RNF4: variants seen among roughly 807,000 people sequenced by gnomAD.
RNF4 encodes ring finger protein 4, also known as E3 ubiquitin-protein ligase RNF4.
Under a neutral mutation model 24.3 loss-of-function variants are expected in RNF4, and 7 were observed. The ratio of observed to expected loss-of-function variants is 0.29; its 90% CI spans 0.16 to 0.54. RNF4 has a LOEUF of 0.54. RNF4 is among the 20% of genes least tolerant of loss of function. The pLI is 0.95. For missense variants in RNF4, 209 were observed against 248.5 expected (o/e 0.84, Z 1.07); for synonymous variants, 83 against 84.3 (o/e 0.98, Z 0.09).
At chr4:2,491,888 C>T (rs1383119805) in intron 2 of RNF4, among the ~76,000 whole-genome samples, 4 of 151,334 alleles carry the variant, frequency 2.6e-5, no homozygotes, top group East Asian at 1.9e-4. Context: ...CATGCACCAC[C>T]GCACCTGGCC....
At chr4:2,497,696 G>A (rs1228371812) in intron 3 of RNF4, among the ~76,000 whole-genome samples, 1 of 152,174 alleles carries the variant, frequency 6.6e-6, no homozygotes, top group African/African-American at 2.4e-5. Flanking sequence ...GTGTAGTGGT[G>A]CAGTCTCGGC....
intron 2 of RNF4, 192 bp downstream of exon 2, chr4:2,490,694 A>G: frequency 1.8e-6 from 1 of 569,490 alleles, no homozygotes; most frequent in Non-Finnish European, 3.1e-6. Flanking sequence ...TTCGAGTCAT[A>G]AAGGGCAGAG....
Position 2,513,650 on chromosome 4 carries a change from T to G in RNF4, c.424-20T>G, listed in dbSNP as rs1339131472. The G allele has an allele frequency of 6.2e-7, 1 of 1,612,294 alleles. No homozygotes were observed. The highest frequency in any genetic ancestry group is 1.1e-5 in the South Asian group (1 of 91,028). On this transcript the variant is annotated intron_variant, in intron 7 of 7. Coordinates refer to ENST00000314289, the MANE Select transcript of RNF4 (RefSeq NM_002938.5). The stretch of plus-strand genomic sequence containing the variant: ...GGGACAAGGGCAAACTCGGAGGCTC[T>G]TCTTTTTAATGCCTTCTAGATCGTG...
chr4:2,481,868 C>T (rs199916017), intron 1 of RNF4, among the ~76,000 whole-genome samples: 27 of 152,110 alleles, frequency 1.8e-4, no homozygotes, highest in African/African-American at 6.3e-4. Flanking sequence ...CCACTATGCC[C>T]GGCTAAGTTT....
chr4:2,504,833 A>G (rs755273213), intron 4 of RNF4, among the ~76,000 whole-genome samples: 9 of 149,590 alleles, frequency 6.0e-5, no homozygotes, highest in Non-Finnish European at 8.9e-5. Context: ...CCCGGGTTCA[A>G]GCAATTCTCC....
chr4:2,478,152 A>G (rs924813422), intron 1 of RNF4, among the ~76,000 whole-genome samples: 10 of 152,200 alleles, frequency 6.6e-5, no homozygotes, highest in Non-Finnish European at 1.3e-4. Flanking sequence ...GAACTTGAGA[A>G]AGATGATTTA....
At position 2,512,720 on chromosome 4, in the gene RNF4, C is replaced by T. The variant is rs758855584; in HGVS notation, c.374+123C>T. The T allele has an allele frequency of 2.9e-5, 32 of 1,118,530 alleles. No individual in the cohort carries two copies. Among genetic ancestry groups the T allele is most frequent in the Non-Finnish European group, 3.6e-5 (29 of 797,222 alleles). The allele number at this position is 1,118,530 out of a possible 1,614,324, so 69.3% of individuals were successfully genotyped here. On this transcript the variant is annotated intron_variant, in intron 6 of 7. Coordinates refer to ENST00000314289, the MANE Select transcript of RNF4 (RefSeq NM_002938.5). The surrounding 1 kb of genome is among the most constrained non-coding windows in gnomAD (Gnocchi z 4.1). Reference sequence around the variant, plus strand: ...AGGGCTTGCCCAAGCCTCTACCCAGCATCTGGATACAGTTGGAACTGGGTC... The same window carrying T: ...AGGGCTTGCCCAAGCCTCTACCCAGTATCTGGATACAGTTGGAACTGGGTC...
intron 1 of RNF4, among the ~76,000 whole-genome samples, chr4:2,484,047 G>T (rs918255262): frequency 1.1e-5 from 1 of 95,020 alleles, no homozygotes. Flanking sequence ...GGCTGGTCTC[G>T]AACTCCTGGC....
At chr4:2,476,218 C>T (rs539995663) in intron 1 of RNF4, among the ~76,000 whole-genome samples, 1 of 152,274 alleles carries the variant, frequency 6.6e-6, no homozygotes, top group African/African-American at 2.4e-5. Flanking sequence ...AAATTCTGCT[C>T]CTAAATATGG....
At position 2,512,191 on chromosome 4, in the gene RNF4, T is replaced by A. The variant is rs1242650582; in HGVS notation, c.214+226T>A. ...AGCACTGAGCTATAGTCCTTTCTTG[T>A]GGCCTACCAGATTTTGGAGAAGGCT... On this transcript the variant is annotated intron_variant, in intron 5 of 7. Coordinates refer to ENST00000314289, the MANE Select transcript of RNF4 (RefSeq NM_002938.5). The surrounding 1 kb of genome is among the most constrained non-coding windows in gnomAD (Gnocchi z 4.1). The A allele has an allele frequency of 3.1e-6, 2 of 643,156 alleles. No individual in the cohort carries two copies. The highest frequency in any genetic ancestry group is 3.7e-5 in the African/African-American group (2 of 54,544). The allele number at this position is 643,156 out of a possible 1,614,324, so 39.8% of individuals were successfully genotyped here. A position where few individuals can be genotyped will look rare whatever the true frequency, so the allele number is the denominator to read the frequency against.
chr4:2,497,181 C>T, intron 3 of RNF4, 60 bp downstream of exon 3: 5 of 1,308,692 alleles, frequency 3.8e-6, no homozygotes, highest in Non-Finnish European at 5.4e-6. Flanking sequence ...AACACTGTAC[C>T]AGGGTGAGCT....
At chr4:2,508,936 T>TTA (rs1329229807) in intron 4 of RNF4, among the ~76,000 whole-genome samples, 26 of 138,714 alleles carry the variant, frequency 1.9e-4, no homozygotes, top group African/African-American at 7.1e-4. Context: ...TTTTTTTTTT[T>TTA]AATTAAAGAC....
In RNF4 at chr4:2,477,860, A is replaced by C. The variant is rs934619958; in HGVS notation, c.-158+8602A>C. Among the ~76,000 whole-genome samples, 4 of 152,218 alleles carry C rather than the reference A, an allele frequency of 2.6e-5. No homozygotes were observed. In the East Asian group the frequency reaches 5.8e-4, roughly 22 times the overall value. ...GATGCTGCTGAAAAGATACCTGAAA[A>C]TTTGGAAACAGCTTTGCAACTGGGT... On this transcript the variant is annotated intron_variant, in intron 1 of 7. Coordinates refer to ENST00000314289, the MANE Select transcript of RNF4 (RefSeq NM_002938.5).
intron 1 of RNF4, among the ~76,000 whole-genome samples, chr4:2,477,007 C>T (rs1326509907): frequency 6.6e-6 from 1 of 151,814 alleles, no homozygotes; most frequent in African/African-American, 2.4e-5. Context: ...GTCTTGAACT[C>T]CTGACTTCAG....
chr4:2,471,802 CAATTCTGTG>C (rs1287696033), intron 1 of RNF4, among the ~76,000 whole-genome samples: 1 of 152,184 alleles, frequency 6.6e-6, no homozygotes, highest in African/African-American at 2.4e-5. Context: ...TAACTCTCTT[CAATTCTGTG>C]AAGAGTGAGG....
chr4:2,498,195 T>G (rs1490933425), intron 3 of RNF4, among the ~76,000 whole-genome samples: 1 of 152,118 alleles, frequency 6.6e-6, no homozygotes, highest in African/African-American at 2.4e-5. Flanking sequence ...TGTTTTTGTT[T>G]CTGTTTGAGG....
At chr4:2,487,050 C>T (rs1008781475) in intron 1 of RNF4, among the ~76,000 whole-genome samples, 1 of 152,194 alleles carries the variant, frequency 6.6e-6, no homozygotes, top group African/African-American at 2.4e-5. Flanking sequence ...TTGAAACCAA[C>T]TAGACAAGTC....
intron 1 of RNF4, among the ~76,000 whole-genome samples, chr4:2,475,466 G>A (rs1371995708): frequency 6.6e-6 from 1 of 152,122 alleles, no homozygotes; most frequent in Non-Finnish European, 1.5e-5. Flanking sequence ...AGCCTCCCGG[G>A]TAGCTGGGAC....
chr4:2,513,384 T>C (rs1237361756), intron 7 of RNF4, among the ~76,000 whole-genome samples: 1 of 152,194 alleles, frequency 6.6e-6, no homozygotes, highest in Non-Finnish European at 1.5e-5. Flanking sequence ...CCTCCTTTTT[T>C]GTGCCCCATC....
Sources: allele counts gnomAD v4.1 joint callset (sites outside exome capture counted in the v4.1 genomes callset), GRCh38; gene constraint gnomAD v4.1.1; non-coding constraint Gnocchi (gnomAD v3.1); transcripts MANE v1.5; gene names NCBI Gene and HGNC (gene_info 2026-07-23, HGNC 2026-07-21).